TTC7B: variants seen among roughly 807,000 people sequenced by gnomAD.
TTC7B encodes tetratricopeptide repeat domain 7B, also known as tetratricopeptide repeat protein 7B.
TTC7B carries 28 observed loss-of-function variants against 106.8 expected under a neutral mutation model. The ratio of observed to expected loss-of-function variants is 0.26; its 90% CI spans 0.19 to 0.36. The LOEUF (loss-of-function observed/expected upper bound fraction) is 0.36, where lower values mean the gene tolerates loss of function less well. TTC7B is among the 10% of genes least tolerant of loss of function. TTC7B has a pLI of 1.00. For synonymous variants in TTC7B, 405 were observed against 430.6 expected, an observed-to-expected ratio of 0.94 and a Z score of 0.74; for missense variants, 862 against 1,076.4, an observed-to-expected ratio of 0.80 and a Z score of 2.79.
chr14:90,792,323 T>C (rs1891614450), intron 1 of TTC7B, among the ~76,000 whole-genome samples: 1 of 152,102 alleles, frequency 6.6e-6, no homozygotes, highest in South Asian at 2.1e-4. Context: ...ACGCCTGTAA[T>C]CTCAGCACTT....
At chr14:90,799,408 C>A (rs1018889142) in intron 1 of TTC7B, among the ~76,000 whole-genome samples, 1 of 152,196 alleles carries the variant, frequency 6.6e-6, no homozygotes, top group African/African-American at 2.4e-5. Context: ...GGACCTTACA[C>A]TCTAGACAGG....
At chr14:90,758,016 G>A (rs1162383146) in intron 3 of TTC7B, among the ~76,000 whole-genome samples, 2 of 152,076 alleles carry the variant, frequency 1.3e-5, no homozygotes, top group Non-Finnish European at 1.5e-5. Flanking sequence ...CAATAAAGGG[G>A]CACATCGGTG....
At chr14:90,618,675 C>T (rs1344767091) in intron 15 of TTC7B, among the ~76,000 whole-genome samples, 2 of 152,232 alleles carry the variant, frequency 1.3e-5, no homozygotes, top group Non-Finnish European at 1.5e-5. Context: ...GGGCACTAAG[C>T]TCAGAATGTT....
intron 4 of TTC7B, among the ~76,000 whole-genome samples, chr14:90,732,487 C>T (rs1185039006): frequency 6.6e-6 from 1 of 152,230 alleles, no homozygotes; most frequent in East Asian, 1.9e-4. Flanking sequence ...AAACGATCCT[C>T]CCACCTCAGC....
At chr14:90,559,481 A>C (rs1012293594) in intron 19 of TTC7B, among the ~76,000 whole-genome samples, 1 of 152,142 alleles carries the variant, frequency 6.6e-6, no homozygotes, top group Non-Finnish European at 1.5e-5. Context: ...CCTCCCTGCA[A>C]CCCATCTGGG....
Position 90,658,663 on chromosome 14 carries a change from C to T in TTC7B, c.1153-276G>A, listed in dbSNP as rs973217569. 4.6e-5 allele frequency among the ~76,000 whole-genome samples: 7 copies of T among 152,306 alleles called. No homozygotes were observed. The East Asian group carries it at 1.4e-3, about 29-fold the overall frequency. On this transcript the variant is annotated intron_variant, in intron 9 of 19. Coordinates refer to ENST00000328459, the MANE Select transcript of TTC7B (RefSeq NM_001010854.2). ...TCTGGCACAGGAAAAGAGGCAAATA[C>T]ACCAACAACACAAAGACAAAGACAA...
At chr14:90,616,427 C>T (rs1207401101) in intron 16 of TTC7B, among the ~76,000 whole-genome samples, 2 of 152,216 alleles carry the variant, frequency 1.3e-5, no homozygotes, top group Non-Finnish European at 2.9e-5. Flanking sequence ...CTCATGATTA[C>T]CTTTCACCAA....
At chr14:90,599,540 A>C (rs1440753803) in intron 17 of TTC7B, among the ~76,000 whole-genome samples, 1 of 152,246 alleles carries the variant, frequency 6.6e-6, no homozygotes, top group Non-Finnish European at 1.5e-5. Flanking sequence ...CTTGCTTCCC[A>C]GCCCTGGAGA....
intron 19 of TTC7B, among the ~76,000 whole-genome samples, chr14:90,560,240 G>A (rs955150910): frequency 3.3e-5 from 5 of 152,236 alleles, no homozygotes; most frequent in East Asian, 3.8e-4. Flanking sequence ...GCCAATTTCC[G>A]TGGTATAAAC....
rs1889299483 is a variant in TTC7B, at chr14:90,531,932, A to G, written c.*9436T>C. On this transcript the variant is annotated 3_prime_UTR_variant, in exon 20 of 20. Transcript: ENST00000328459. Reference sequence around the variant, plus strand: ...CACACTGACTCACACCTGTTATCCCAGACCTTTAAGAGGCTGAGGGGACCA... The same window carrying G: ...CACACTGACTCACACCTGTTATCCCGGACCTTTAAGAGGCTGAGGGGACCA... The G allele has an allele frequency of 6.6e-6, 1 of 152,238 alleles. No individual in the cohort carries two copies. The highest frequency in any genetic ancestry group is 1.5e-5 in the Non-Finnish European group (1 of 68,054). 9.4% of individuals were successfully genotyped at this position (152,238 alleles called of 1,614,324 possible). A position where few individuals can be genotyped will look rare whatever the true frequency, so the allele number is the denominator to read the frequency against.
intron 19 of TTC7B, among the ~76,000 whole-genome samples, chr14:90,574,845 G>A (rs923958929): frequency 1.7e-4 from 26 of 152,174 alleles, no homozygotes; most frequent in Non-Finnish European, 1.5e-5. Context: ...CATCAGGGCT[G>A]CTGCAAGCAC....
At chr14:90,571,450 A>T (rs772333308) in intron 19 of TTC7B, among the ~76,000 whole-genome samples, 3 of 152,240 alleles carry the variant, frequency 2.0e-5, no homozygotes, top group Admixed American at 6.5e-5. Flanking sequence ...GGGTCCTCTC[A>T]ACAAGCACAT....
chr14:90,766,839 G>C, intron 3 of TTC7B: 1 of 1,596,678 alleles, frequency 6.3e-7, no homozygotes, highest in Non-Finnish European at 8.6e-7. Context: ...CCAATGGTCT[G>C]GACAACAAGC....
intron 1 of TTC7B, among the ~76,000 whole-genome samples, chr14:90,787,728 T>C (rs1468052896): frequency 6.6e-6 from 1 of 152,210 alleles, no homozygotes; most frequent in Non-Finnish European, 1.5e-5. Flanking sequence ...CTATAGGTCT[T>C]AGCATGCTCT....
At chr14:90,593,351 G>A in intron 18 of TTC7B, 135 bp downstream of exon 18, 1 of 1,295,142 alleles carries the variant, frequency 7.7e-7, no homozygotes, top group Non-Finnish European at 1.0e-6. Flanking sequence ...GCATGGCCGT[G>A]AAGCTTTGAT....
chr14:90,626,549 G>T (rs1178860198), intron 15 of TTC7B, among the ~76,000 whole-genome samples: 1 of 152,208 alleles, frequency 6.6e-6, no homozygotes, highest in Non-Finnish European at 1.5e-5. Context: ...AGAGCACTGA[G>T]TAACCATCCC....
At chr14:90,660,313 C>A (rs578090700) in intron 9 of TTC7B, among the ~76,000 whole-genome samples, 1 of 146,386 alleles carries the variant, frequency 6.8e-6, no homozygotes, top group African/African-American at 2.5e-5. Flanking sequence ...TAGCTTGAGC[C>A]CAGGAGGCCG....
rs1889189373 is a variant in TTC7B at position 90,528,068 on chromosome 14, A to C, written c.*13300T>G. ...TGAATAAGAGCTTCCGTATGTGATA[A>C]GGTTTCTCTCTGTGGATGACATAGC... On this transcript the variant is annotated 3_prime_UTR_variant, in exon 20 of 20. Transcript: ENST00000328459. The C allele has an allele frequency of 6.6e-6, 1 of 152,086 alleles. No homozygotes were observed. Among genetic ancestry groups the C allele is most frequent in the South Asian group, 2.1e-4 (1 of 4,816 alleles). The allele number at this position is 152,086 out of a possible 1,614,324, so 9.4% of individuals were successfully genotyped here. A position where few individuals can be genotyped will look rare whatever the true frequency, so the allele number is the denominator to read the frequency against.
chr14:90,652,488 T>TTAA (rs577641560), intron 13 of TTC7B, among the ~76,000 whole-genome samples: 1 of 143,488 alleles, frequency 7.0e-6, no homozygotes, highest in Non-Finnish European at 1.5e-5. Context: ...ATGTTTTTTT[T>TTAA]AAAAAAAAAA....
Sources: allele counts gnomAD v4.1 joint callset (sites outside exome capture counted in the v4.1 genomes callset), GRCh38; gene constraint gnomAD v4.1.1; transcripts MANE v1.5; gene names NCBI Gene and HGNC (gene_info 2026-07-23, HGNC 2026-07-21).